RCAN1: variants seen among roughly 807,000 people sequenced by gnomAD.
The protein encoded by RCAN1 is calcipressin-1.
A neutral mutation model predicts 22.9 loss-of-function variants in RCAN1; 11 were observed. The observed-to-expected ratio is 0.48, with a 90% confidence interval of 0.30 to 0.79. The LOEUF (loss-of-function observed/expected upper bound fraction) is 0.79, where lower values mean the gene tolerates loss of function less well. Among genes scored for constraint, RCAN1 ranks in the 30% least tolerant of loss-of-function variants. The pLI, the probability that RCAN1 is intolerant of heterozygous loss-of-function variation, is 0.06. For synonymous variants in RCAN1, 136 were observed against 142.3 expected (o/e 0.96, Z 0.32); for missense variants, 291 against 337.8 (o/e 0.86, Z 1.09).
chr21:34,562,942 C>T (rs570847698), intron 1 of RCAN1, among the ~76,000 whole-genome samples: 1 of 152,342 alleles, frequency 6.6e-6, no homozygotes, highest in East Asian at 1.9e-4. Context: ...ATCAGCTTAT[C>T]TTATTAAGTT....
At chr21:34,519,770 C>T (rs1160498657) in intron 3 of RCAN1, among the ~76,000 whole-genome samples, 2 of 152,156 alleles carry the variant, frequency 1.3e-5, no homozygotes, top group Non-Finnish European at 2.9e-5. Context: ...TTCCGCCCGA[C>T]AAGAGCGGCC....
intron 1 of RCAN1, among the ~76,000 whole-genome samples, chr21:34,582,336 C>T (rs1987641449): frequency 6.6e-6 from 1 of 152,088 alleles, no homozygotes; most frequent in Non-Finnish European, 1.5e-5. Context: ...TGGGGAGTGA[C>T]CAGTGCTATG....
At chr21:34,546,595 CA>C (rs1310893676) in intron 1 of RCAN1, among the ~76,000 whole-genome samples, 1 of 152,186 alleles carries the variant, frequency 6.6e-6, no homozygotes, top group Non-Finnish European at 1.5e-5. Flanking sequence ...TTAAAAGCAA[CA>C]CCGTCTTAGC....
In RCAN1 at chr21:34,615,099, G is replaced by T. The variant is rs1450065629; in HGVS notation, c.-88C>A. ...CACGCGCTCCGGTCCGCGCCCGGCC[G>T]GCGGCTCCGCCGTTAACCCCCTCGG... On this transcript the variant is annotated 5_prime_UTR_variant, in exon 1 of 4. Coordinates refer to ENST00000313806, the MANE Select transcript of RCAN1 (RefSeq NM_004414.7). The T allele has an allele frequency of 1.3e-5, 13 of 989,244 alleles. No individual in the cohort carries two copies. Among genetic ancestry groups the T allele is most frequent in the Non-Finnish European group, 1.6e-5 (13 of 831,298 alleles). 61.3% of individuals were successfully genotyped at this position (989,244 alleles called of 1,614,324 possible).
intron 1 of RCAN1, among the ~76,000 whole-genome samples, chr21:34,567,091 C>CA (rs1257990777): frequency 6.6e-6 from 1 of 152,084 alleles, no homozygotes; most frequent in Non-Finnish European, 1.5e-5. Context: ...CTTTGCCTCC[C>CA]ACCTCCCCAC....
intron 1 of RCAN1, among the ~76,000 whole-genome samples, chr21:34,596,992 A>G (rs572082315): frequency 6.6e-6 from 1 of 152,340 alleles, no homozygotes; most frequent in African/African-American, 2.4e-5. Context: ...CAGTGACACC[A>G]GCTTGAGACA....
At chr21:34,523,307 C>T (rs1984738970) in intron 2 of RCAN1, among the ~76,000 whole-genome samples, 1 of 152,242 alleles carries the variant, frequency 6.6e-6, no homozygotes, top group African/African-American at 2.4e-5. Flanking sequence ...TTTCCCCCAT[C>T]ATTATCAACC....
chr21:34,542,163 A>T (rs1985939855), intron 1 of RCAN1, among the ~76,000 whole-genome samples: 1 of 152,118 alleles, frequency 6.6e-6, no homozygotes, highest in African/African-American at 2.4e-5. Context: ...TTCTGGAAGA[A>T]CAAATTCTCT....
rs1988769618 is a variant in RCAN1, at chr21:34,614,658, CG to C, written c.252+101del. 8.6e-7 allele frequency: 1 copy of C among 1,165,814 alleles called. No individual in the cohort carries two copies. Among genetic ancestry groups the C allele is most frequent in the African/African-American group, 1.6e-5 (1 of 61,286 alleles). 72.2% of individuals were successfully genotyped at this position (1,165,814 alleles called of 1,614,324 possible). A position where few individuals can be genotyped will look rare whatever the true frequency, so the allele number is the denominator to read the frequency against. ...AGCCCGGGGGACGTCGCTGCCTCCC[CG>C]CCCCGCGCGCGGCCGGGACTGGGCG... On this transcript the variant is annotated intron_variant, in intron 1 of 3. Coordinates refer to ENST00000313806, the MANE Select transcript of RCAN1 (RefSeq NM_004414.7). This position sits in a 1 kb window ranked among gnomAD's most constrained non-coding sequence, Gnocchi z 6.0.
intron 1 of RCAN1, among the ~76,000 whole-genome samples, chr21:34,587,160 G>A (rs1452950952): frequency 1.3e-5 from 2 of 151,976 alleles, no homozygotes; most frequent in African/African-American, 4.8e-5. Context: ...ATATTAGAAA[G>A]CCTATATAAA....
intron 1 of RCAN1, among the ~76,000 whole-genome samples, chr21:34,556,065 A>AAAATAAATAAATAAATAAATAAAT (rs71324312): frequency 1.8e-5 from 2 of 108,124 alleles, no homozygotes; most frequent in Non-Finnish European, 3.6e-5. Context: ...TCCATTTCAA[A>AAAATAAATAAATAAATAAATAAAT]AAATAAATAA....
intron 1 of RCAN1, among the ~76,000 whole-genome samples, chr21:34,601,727 A>G (rs1274344223): frequency 6.6e-6 from 1 of 151,114 alleles, no homozygotes; most frequent in Non-Finnish European, 1.5e-5. Flanking sequence ...CTGAGGCAGG[A>G]GAATGGCGTG....
At chr21:34,568,915 T>G (rs568433757) in intron 1 of RCAN1, among the ~76,000 whole-genome samples, 39 of 152,316 alleles carry the variant, frequency 2.6e-4, no homozygotes, top group African/African-American at 8.9e-4. Context: ...GGCCTCAGAA[T>G]CATGGTGAGA....
chr21:34,544,179 G>A (rs1986038641), intron 1 of RCAN1, among the ~76,000 whole-genome samples: 1 of 152,238 alleles, frequency 6.6e-6, no homozygotes, highest in Non-Finnish European at 1.5e-5. Flanking sequence ...TGGTGGACAA[G>A]CTTTGCATGA....
intron 1 of RCAN1, among the ~76,000 whole-genome samples, chr21:34,570,612 C>T (rs1222159983): frequency 6.6e-6 from 1 of 151,126 alleles, no homozygotes; most frequent in Non-Finnish European, 1.5e-5. Context: ...TCTGCTGATA[C>T]ATCTCTGTCT....
chr21:34,602,932 G>A (rs1489033412), intron 1 of RCAN1, among the ~76,000 whole-genome samples: 2 of 151,940 alleles, frequency 1.3e-5, no homozygotes, highest in African/African-American at 4.8e-5. Flanking sequence ...TCCCCTTCAG[G>A]TGAGCACGTT....
chr21:34,529,515 T>C (rs911027273), intron 1 of RCAN1, among the ~76,000 whole-genome samples: 2 of 152,236 alleles, frequency 1.3e-5, no homozygotes, highest in African/African-American at 4.8e-5. Flanking sequence ...TTTGACTGCA[T>C]GTCTATTATA....
intron 1 of RCAN1, among the ~76,000 whole-genome samples, chr21:34,580,850 T>C (rs1389004860): frequency 1.3e-5 from 2 of 152,218 alleles, no homozygotes; most frequent in Non-Finnish European, 2.9e-5. Flanking sequence ...TTGCAAACTT[T>C]CTAGCACCTG....
At chr21:34,573,961 G>A (rs1270690340) in intron 1 of RCAN1, among the ~76,000 whole-genome samples, 2 of 152,110 alleles carry the variant, frequency 1.3e-5, no homozygotes, top group East Asian at 3.8e-4. Flanking sequence ...TCCTATTTAG[G>A]AGGCCCAGCA....
Sources: gnomAD v4.1 joint callset for allele counts (sites outside exome capture counted in the v4.1 genomes callset) on GRCh38, gnomAD v4.1.1 for gene constraint, Gnocchi (gnomAD v3.1) non-coding constraint, MANE v1.5 for transcripts, NCBI Gene and HGNC (gene_info 2026-07-23, HGNC 2026-07-21) for gene names.